The following MAN2A1 variants were observed in gnomAD, a reference collection of about 807,000 sequenced individuals.
MAN2A1 encodes alpha-mannosidase 2.
A neutral mutation model predicts 142.6 loss-of-function variants in MAN2A1; 76 were observed. That is an observed-to-expected ratio of 0.53 (90% CI 0.44 to 0.65). MAN2A1 has a LOEUF of 0.65. MAN2A1 is among the 30% of genes least tolerant of loss of function. The pLI is 0.00. For synonymous variants in MAN2A1, 559 were observed against 473.2 expected, an observed-to-expected ratio of 1.18 and a Z score of -2.35; for missense variants, 1,311 against 1,365.1, an observed-to-expected ratio of 0.96 and a Z score of 0.62.
chr5:109,712,005 TCTC>T (rs1299593523), intron 1 of MAN2A1, among the ~76,000 whole-genome samples: 2 of 152,108 alleles, frequency 1.3e-5, no homozygotes, highest in Non-Finnish European at 2.9e-5. Context: ...GCTCCTTTCT[TCTC>T]TAGCATCAGG....
chr5:109,789,157 TG>T (rs962825974), intron 11 of MAN2A1, 109 bp downstream of exon 11: 2 of 598,266 alleles, frequency 3.3e-6, no homozygotes, highest in Non-Finnish European at 5.7e-6. Flanking sequence ...TATAATTTTT[TG>T]TACATTATTT....
At chr5:109,742,904 C>T (rs552955841) in intron 4 of MAN2A1, among the ~76,000 whole-genome samples, 1 of 152,174 alleles carries the variant, frequency 6.6e-6, no homozygotes, top group South Asian at 2.1e-4. Context: ...AATTCCAGTT[C>T]GTCTTGAGTG....
chr5:109,766,830 T>G (rs899323645), intron 5 of MAN2A1, among the ~76,000 whole-genome samples: 2 of 152,186 alleles, frequency 1.3e-5, no homozygotes, highest in African/African-American at 2.4e-5. Flanking sequence ...CCAGTACATT[T>G]ATTATCTTTT....
chr5:109,691,131 A>C (rs990295076), intron 1 of MAN2A1, among the ~76,000 whole-genome samples: 25 of 151,870 alleles, frequency 1.6e-4, no homozygotes, highest in African/African-American at 6.1e-4. Flanking sequence ...CAGCTATTAC[A>C]TCTGGTTTGT....
intron 4 of MAN2A1, among the ~76,000 whole-genome samples, chr5:109,739,643 A>C (rs1752209240): frequency 6.6e-6 from 1 of 152,192 alleles, no homozygotes; most frequent in South Asian, 2.1e-4. Flanking sequence ...GAGCAGCAAC[A>C]GCTGTATCCA....
chr5:109,775,940 A>G (rs1753278941), intron 8 of MAN2A1, among the ~76,000 whole-genome samples: 1 of 152,086 alleles, frequency 6.6e-6, no homozygotes, highest in African/African-American at 2.4e-5. Context: ...ATAATTATAT[A>G]TATTTATGGG....
At chr5:109,755,518 T>G (rs1207033786) in intron 5 of MAN2A1, 62 bp downstream of exon 5, 3 of 1,319,644 alleles carry the variant, frequency 2.3e-6, no homozygotes, top group Non-Finnish European at 3.2e-6. Flanking sequence ...GGATGTGAAG[T>G]GAGGCTCTGT....
chr5:109,712,928 A>G (rs1474894000), intron 1 of MAN2A1, among the ~76,000 whole-genome samples: 3 of 152,220 alleles, frequency 2.0e-5, no homozygotes, highest in African/African-American at 7.2e-5. Context: ...TGTGAGGATC[A>G]ATGAAAAAAA....
intron 12 of MAN2A1, among the ~76,000 whole-genome samples, chr5:109,793,501 A>T (rs909229351): frequency 6.6e-6 from 1 of 152,108 alleles, no homozygotes; most frequent in Non-Finnish European, 1.5e-5. Context: ...CATGGTTCAC[A>T]TTCTATGTGA....
intron 10 of MAN2A1, among the ~76,000 whole-genome samples, chr5:109,788,282 A>C (rs1376767792): frequency 6.6e-6 from 1 of 151,616 alleles, no homozygotes; most frequent in African/African-American, 2.4e-5. Flanking sequence ...GCAGTAGCGG[A>C]TGTATTTCAG....
intron 17 of MAN2A1, among the ~76,000 whole-genome samples, chr5:109,842,739 AATAT>A (rs1212457527): frequency 2.0e-5 from 3 of 151,684 alleles, no homozygotes; most frequent in African/African-American, 7.3e-5. Context: ...GATGCTAAAA[AATAT>A]ATATATGAAT....
intron 12 of MAN2A1, among the ~76,000 whole-genome samples, chr5:109,801,862 TAAAG>T (rs1047267521): frequency 3.9e-5 from 6 of 152,228 alleles, no homozygotes; most frequent in African/African-American, 9.6e-5. Flanking sequence ...TTTAAAGAGA[TAAAG>T]AAAAGCTCAT....
At chr5:109,831,281 G>A (rs924036328) in intron 16 of MAN2A1, among the ~76,000 whole-genome samples, 5 of 152,232 alleles carry the variant, frequency 3.3e-5, no homozygotes, top group Non-Finnish European at 7.3e-5. Flanking sequence ...ACAAGAGTGA[G>A]TGAGCCAGAT....
At chr5:109,837,351 T>C (rs1350070651) in intron 16 of MAN2A1, among the ~76,000 whole-genome samples, 1 of 151,998 alleles carries the variant, frequency 6.6e-6, no homozygotes, top group Admixed American at 6.6e-5. Flanking sequence ...TCTTGCAGGA[T>C]ATCAGATTTC....
At chr5:109,695,407 T>C (rs550758348) in intron 1 of MAN2A1, among the ~76,000 whole-genome samples, 34 of 152,316 alleles carry the variant, frequency 2.2e-4, no homozygotes, top group African/African-American at 7.7e-4. Context: ...ATGACCACTT[T>C]TATTTGTTTT....
At chr5:109,781,327 C>T (rs374523309) in intron 8 of MAN2A1, 69 bp from the exon 9 acceptor site, 8 of 816,770 alleles carry the variant, frequency 9.8e-6, no homozygotes, top group South Asian at 2.1e-5. Flanking sequence ...ATTAACTTTC[C>T]CTAACAGTGT....
chr5:109,820,394 A>G, intron 15 of MAN2A1, 52 bp downstream of exon 15: 2 of 1,521,162 alleles, frequency 1.3e-6, no homozygotes, highest in South Asian at 1.2e-5. Flanking sequence ...TTGAAAGAGT[A>G]TTGAGGAAAA....
chr5:109,859,079 T>C (rs1755693541), intron 20 of MAN2A1, among the ~76,000 whole-genome samples: 1 of 152,224 alleles, frequency 6.6e-6, no homozygotes, highest in Admixed American at 6.5e-5. Context: ...TTAAAAATGT[T>C]TCTCATGAAA....
At chr5:109,780,827 C>A (rs1362959820) in intron 8 of MAN2A1, among the ~76,000 whole-genome samples, 1 of 152,116 alleles carries the variant, frequency 6.6e-6, no homozygotes. Context: ...TCAGTGTTAC[C>A]TACTGGTAGA....
Sources: allele counts gnomAD v4.1 joint callset (sites outside exome capture counted in the v4.1 genomes callset), GRCh38; gene constraint gnomAD v4.1.1; transcripts MANE v1.5; gene names NCBI Gene and HGNC (gene_info 2026-07-23, HGNC 2026-07-21).